The following C8orf74 variants were observed in gnomAD, a reference collection of about 807,000 sequenced individuals.
C8orf74 encodes the protein chromosome 8 open reading frame 74.
A neutral mutation model predicts 22.2 loss-of-function variants in C8orf74; 29 were observed. The observed-to-expected ratio is 1.31, with a 90% CI of 0.97 to 1.78. C8orf74 has a LOEUF of 1.78. C8orf74 is among the 40% of genes most tolerant of loss of function. The probability of loss-of-function intolerance (pLI) is 0.00; values close to 1 mark genes in which losing one functional copy is unlikely to be tolerated. For synonymous variants in C8orf74, 255 were observed against 163.1 expected, an observed-to-expected ratio of 1.56 and a Z score of -4.30; for missense variants, 515 against 369.9, an observed-to-expected ratio of 1.39 and a Z score of -3.22.
chr8:10,683,552 A>T (rs564352023), intron 2 of C8orf74, among the ~76,000 whole-genome samples: 2 of 152,058 alleles, frequency 1.3e-5, no homozygotes, highest in African/African-American at 4.8e-5. Flanking sequence ...TCTCTGGGGG[A>T]TGATGACCAT....
intron 2 of C8orf74, chr8:10,691,006 A>T: frequency 2.2e-6 from 1 of 450,250 alleles, no homozygotes; most frequent in South Asian, 1.6e-5. Flanking sequence ...CTTCTCCCTG[A>T]GACTTAATCC....
In C8orf74 at chr8:10,674,693, G is replaced by C; in HGVS notation, c.96G>C (p.Glu32Asp). ...TGCGGAGGCTTCTGAACTGGGAGGA[G>C]TTTGACGAACAGAGAGACTCCCGGA... is the stretch of plus-strand genomic sequence containing the variant. ...ERLRRLLNWE[E>D]FDEQRDSRRS... is the part of the protein sequence containing the mutation. The change falls in exon 2 of 4, where the codon GAG becomes GAC. Residue 32 changes from glutamate (E) to aspartate (D), a missense_variant. Glu to Asp is a conservative substitution (Grantham distance 45, BLOSUM62 2). Coordinates refer to ENST00000304519, the MANE Select transcript of C8orf74 (RefSeq NM_001040032.2). The C allele has an allele frequency of 1.2e-6, 2 of 1,610,356 alleles. No individual in the cohort carries two copies. The highest frequency in any genetic ancestry group is 1.3e-5 in the African/African-American group (1 of 74,906).
At chr8:10,684,981 C>T (rs1004077932) in intron 2 of C8orf74, among the ~76,000 whole-genome samples, 2 of 152,182 alleles carry the variant, frequency 1.3e-5, no homozygotes, top group Non-Finnish European at 2.9e-5. Flanking sequence ...GAGTGGGGGT[C>T]CTCTGAAGGA....
At chr8:10,696,022 C>G (rs1412826493) in intron 2 of C8orf74, among the ~76,000 whole-genome samples, 1 of 152,166 alleles carries the variant, frequency 6.6e-6, no homozygotes, top group African/African-American at 2.4e-5. Context: ...TGCGAGAACC[C>G]AGGTCTCCAC....
chr8:10,696,441 C>CTTTTTTTTT (rs546082377), intron 2 of C8orf74, among the ~76,000 whole-genome samples: 92 of 102,402 alleles, frequency 9.0e-4, no homozygotes, highest in Non-Finnish European at 1.2e-3. Context: ...CTTTTCTTTT[C>CTTTTTTTTT]TTTTTTTTTT....
chr8:10,688,438 C>T (rs899061086), intron 2 of C8orf74: 1 of 152,158 alleles, frequency 6.6e-6, no homozygotes, highest in African/African-American at 2.4e-5. Flanking sequence ...CTGCCTGAAT[C>T]CCCAGTCTGT....
intron 2 of C8orf74, among the ~76,000 whole-genome samples, chr8:10,696,144 C>A (rs1799492529): frequency 6.6e-6 from 1 of 152,004 alleles, no homozygotes; most frequent in South Asian, 2.1e-4. Context: ...TCATGAACCA[C>A]CTCCTCTGTC....
At position 10,674,659 on chromosome 8, in the gene C8orf74, G is replaced by A. The variant is rs113424148; in HGVS notation, c.62G>A (p.Arg21Gln). 1.5e-4 allele frequency: 247 copies of A among 1,608,110 alleles called. 2 individuals are homozygous for A. In the African/African-American group the frequency reaches 2.7e-3, roughly 18 times the overall value. ...EVFQLQRPQG[R>Q]ERLRRLLNWE... ...CATTCCCTGCAGAGACCACAAGGTC[G>A]GGAGCGCCTGCGGAGGCTTCTGAAC... Residue 21 changes from arginine (R) to glutamine (Q), a missense_variant, in exon 2 of 4, where the codon CGG becomes CAG. Coordinates refer to ENST00000304519, the MANE Select transcript of C8orf74 (RefSeq NM_001040032.2).
chr8:10,673,581 T>C (rs1195595851), intron 1 of C8orf74: 1 of 153,664 alleles, frequency 6.5e-6, no homozygotes, highest in Non-Finnish European at 1.5e-5. Context: ...AATTTTATTT[T>C]AGGCAGGGGG....
chr8:10,695,277 G>A, intron 2 of C8orf74, among the ~76,000 whole-genome samples: 1 of 152,162 alleles, frequency 6.6e-6, no homozygotes, highest in East Asian at 1.9e-4. Context: ...GAGAGAAAAA[G>A]GCCCGTGTCA....
At chr8:10,688,519 GCCATCTTCAGTC>G (rs898632970) in intron 2 of C8orf74, 2 of 152,398 alleles carry the variant, frequency 1.3e-5, no homozygotes, top group Admixed American at 1.3e-4. Context: ...CAGCATCAGT[GCCATCTTCAGTC>G]CCATCTTCAG....
chr8:10,696,441 C>CTTTTTTTTTTTTTTTTTTTTTTTTT (rs546082377), intron 2 of C8orf74, among the ~76,000 whole-genome samples: 1 of 102,442 alleles, frequency 9.8e-6, no homozygotes, highest in Non-Finnish European at 1.9e-5. Context: ...CTTTTCTTTT[C>CTTTTTTTTTTTTTTTTTTTTTTTTT]TTTTTTTTTT....
At chr8:10,690,671 G>C (rs960046121) in intron 2 of C8orf74, among the ~76,000 whole-genome samples, 1 of 152,146 alleles carries the variant, frequency 6.6e-6, no homozygotes, top group Non-Finnish European at 1.5e-5. Context: ...AGCCCCGCAG[G>C]GGTGTGGCGC....
intron 1 of C8orf74, chr8:10,673,697 G>A (rs979849347): frequency 6.5e-6 from 1 of 153,910 alleles, no homozygotes; most frequent in East Asian, 1.9e-4. Context: ...TAGAAGAAGA[G>A]CAAGTCCCAG....
intron 2 of C8orf74, among the ~76,000 whole-genome samples, chr8:10,696,055 G>A (rs1423291060): frequency 1.3e-5 from 2 of 152,148 alleles, no homozygotes; most frequent in East Asian, 3.9e-4. Flanking sequence ...CTCTTCTGCT[G>A]CCCTTGACTT....
chr8:10,697,393 G>A (rs556779964), intron 2 of C8orf74, among the ~76,000 whole-genome samples: 25 of 152,040 alleles, frequency 1.6e-4, no homozygotes, highest in Non-Finnish European at 2.8e-4. Flanking sequence ...TGCAGCTGCA[G>A]TGAGCTACGA....
rs1000782424 is a variant in C8orf74 at position 10,694,225 on chromosome 8, T to G, written c.242-3374T>G. Among the ~76,000 whole-genome samples, 9 of 152,172 alleles carry G rather than the reference T, an allele frequency of 5.9e-5. No individual in the cohort carries two copies. In the East Asian group the frequency reaches 1.7e-3, roughly 29 times the overall value. The stretch of plus-strand genomic sequence containing the variant: ...AGGGGATATGACTTATTTGTTGTCA[T>G]AGTATTGCCAGAATCTTACATAGTG... On this transcript the variant is annotated intron_variant, in intron 2 of 3. Transcript: ENST00000304519.
In C8orf74 at chr8:10,672,704, C is replaced by T; in HGVS notation, c.39C>T (p.Phe13=). 1.3e-6 allele frequency: 2 copies of T among 1,562,848 alleles called. No homozygotes were observed. The highest frequency in any genetic ancestry group is 1.4e-5 in the African/African-American group (1 of 73,616). The change falls in exon 1 of 4, where the codon TTC becomes TTT. Residue 13 remains phenylalanine, a synonymous_variant. Transcript: ENST00000304519. ...LLTPQGVKEV[F]QLQRPQGRER... is the part of the protein sequence containing the mutation. ...CACCCCAGGGAGTGAAAGAAGTCTT[C>T]CAACTTCAGGTGAAGGAAGAGAAAA...
At chr8:10,674,128 T>C (rs1271595446) in intron 1 of C8orf74, among the ~76,000 whole-genome samples, 1 of 109,314 alleles carries the variant, frequency 9.1e-6, no homozygotes, top group South Asian at 3.3e-4. Flanking sequence ...GCAGCCCCCA[T>C]ATCACATCCC....
Sources: gnomAD v4.1 joint callset for allele counts (sites outside exome capture counted in the v4.1 genomes callset) on GRCh38, gnomAD v4.1.1 for gene constraint, MANE v1.5 for transcripts, NCBI Gene and HGNC (gene_info 2026-07-23, HGNC 2026-07-21) for gene names.